The following PDE4D variants were observed in gnomAD, a reference collection of about 807,000 sequenced individuals.
PDE4D encodes 3',5'-cyclic-AMP phosphodiesterase 4D.
A neutral mutation model predicts 87.4 loss-of-function variants in PDE4D; 24 were observed. The ratio of observed to expected loss-of-function variants is 0.27; its 90% confidence interval spans 0.20 to 0.39. The LOEUF (loss-of-function observed/expected upper bound fraction) is 0.39. PDE4D is among the 10% of genes least tolerant of loss of function. The pLI, the probability that PDE4D is intolerant of heterozygous loss-of-function variation, is 1.00. For synonymous variants in PDE4D, 384 were observed against 383.2 expected, an observed-to-expected ratio of 1.00 and a Z score of -0.02; for missense variants, 714 against 1,041.0, an observed-to-expected ratio of 0.69 and a Z score of 4.32.
intron 1 of PDE4D, among the ~76,000 whole-genome samples, chr5:59,327,814 T>G (rs1775992360): frequency 6.6e-6 from 1 of 152,198 alleles, no homozygotes; most frequent in Non-Finnish European, 1.5e-5. Flanking sequence ...GTCACAGAAC[T>G]GCTACAAACT....
chr5:59,297,865 C>T (rs1239119388), intron 1 of PDE4D, among the ~76,000 whole-genome samples: 1 of 152,024 alleles, frequency 6.6e-6, no homozygotes, highest in African/African-American at 2.4e-5. Flanking sequence ...AGAAGAATGG[C>T]ATAGACACAA....
intron 1 of PDE4D, among the ~76,000 whole-genome samples, chr5:60,484,956 G>A (rs1217025189): frequency 6.6e-6 from 1 of 152,116 alleles, no homozygotes; most frequent in East Asian, 1.9e-4. Context: ...TAAAGACATA[G>A]AGACTGAGGC....
chr5:59,537,329 A>C (rs1424916613), intron 1 of PDE4D, among the ~76,000 whole-genome samples: 2 of 152,256 alleles, frequency 1.3e-5, no homozygotes, highest in African/African-American at 4.8e-5. Context: ...AAATGTTTAC[A>C]TATGGTATGT....
rs560001137 is a variant in PDE4D at position 59,448,383 on chromosome 5, G to A, written c.456-232415C>T. Among the ~76,000 whole-genome samples the A allele has an allele frequency of 7.2e-5, 11 of 152,192 alleles. 1 individual carries two copies. In the South Asian group the frequency reaches 2.3e-3, roughly 32 times the overall value. The stretch of plus-strand genomic sequence containing the variant: ...GTTCTCACACCTGTCTCTTCCCATT[G>A]TTACTCCCTTAGTAAGCAGTGCTTG... On this transcript the variant is annotated intron_variant, in intron 1 of 14. Coordinates refer to ENST00000340635, the MANE Select transcript of PDE4D (RefSeq NM_001104631.2).
chr5:59,326,279 G>GA lies in PDE4D; in HGVS notation c.456-110312dup, dbSNP rs981361188. ...ACTTAAAGTATAATAATAAAAAAAA[G>GA]AAAAAAAATGTGTTGAGTCAGTTTG... On this transcript the variant is annotated intron_variant, in intron 1 of 14. Transcript: ENST00000340635. Among the ~76,000 whole-genome samples, 15 of 151,494 alleles carry GA rather than the reference G, an allele frequency of 9.9e-5. No individual in the cohort carries two copies. The South Asian group carries it at 1.5e-3, about 15-fold the overall frequency.
chr5:60,216,311 C>T (rs1428038892), intron 1 of PDE4D, among the ~76,000 whole-genome samples: 1 of 152,104 alleles, frequency 6.6e-6, no homozygotes, highest in Non-Finnish European at 1.5e-5. Flanking sequence ...AACCAGCTCA[C>T]ATGAGTCAAG....
intron 6 of PDE4D, among the ~76,000 whole-genome samples, chr5:59,037,255 G>T (rs931200061): frequency 4.6e-5 from 7 of 152,048 alleles, no homozygotes; most frequent in African/African-American, 1.7e-4. Flanking sequence ...AACTACTGTC[G>T]AATCACCTTG....
chr5:59,769,076 C>T (rs1019849429), intron 1 of PDE4D, among the ~76,000 whole-genome samples: 4 of 149,208 alleles, frequency 2.7e-5, no homozygotes, highest in Admixed American at 2.0e-4. Flanking sequence ...TTTTTTCTCT[C>T]TTTTTTTTTT....
At position 59,053,649 on chromosome 5, in the gene PDE4D, TTTTTTG is replaced by T. The variant is rs1561396173; in HGVS notation, c.809-14684_809-14679del. The stretch of plus-strand genomic sequence containing the variant: ...AATTAAGTTGTTTTGTTTTTTGTTT[TTTTTTG>T]TTGTTGTTTTTTTTTTTTGGCCAGG... On this transcript the variant is annotated intron_variant, in intron 5 of 14. Coordinates refer to ENST00000340635, the MANE Select transcript of PDE4D (RefSeq NM_001104631.2). 1.5e-4 allele frequency among the ~76,000 whole-genome samples: 11 copies of T among 73,540 alleles called. No individual in the cohort carries two copies. In the East Asian group the frequency reaches 1.6e-3, roughly 11 times the overall value. 48.2% of individuals were successfully genotyped at this position (73,540 alleles called of 152,430 possible).
At chr5:59,996,360 A>G (rs1357666878) in intron 2 of PDE4D, among the ~76,000 whole-genome samples, 1 of 152,190 alleles carries the variant, frequency 6.6e-6, no homozygotes, top group Non-Finnish European at 1.5e-5. Flanking sequence ...GTTCTGTAAA[A>G]GTAAAGTTTC....
At chr5:59,350,072 C>T (rs529714888) in intron 1 of PDE4D, among the ~76,000 whole-genome samples, 3 of 152,102 alleles carry the variant, frequency 2.0e-5, no homozygotes, top group African/African-American at 7.2e-5. Flanking sequence ...CAAAGTGGTA[C>T]TTCCTTACAA....
chr5:59,846,322 TC>T, intron 1 of PDE4D, among the ~76,000 whole-genome samples: 1 of 152,158 alleles, frequency 6.6e-6, no homozygotes, highest in South Asian at 2.1e-4. Context: ...ACTCATCAGT[TC>T]CCTCTAATTG....
chr5:60,063,150 GAAA>G (rs1771659317), intron 2 of PDE4D, among the ~76,000 whole-genome samples: 5 of 146,284 alleles, frequency 3.4e-5, no homozygotes, highest in African/African-American at 1.0e-4. Flanking sequence ...AAGAAAGAAA[GAAA>G]GAAGGAAAGA....
chr5:60,504,388 G>C (rs1227444320), intron 1 of PDE4D, among the ~76,000 whole-genome samples: 1 of 151,754 alleles, frequency 6.6e-6, no homozygotes, highest in Non-Finnish European at 1.5e-5. Context: ...CATGTGAAAG[G>C]CAACATTTTT....
At chr5:59,531,325 C>G (rs188486707) in intron 1 of PDE4D, among the ~76,000 whole-genome samples, 1 of 152,300 alleles carries the variant, frequency 6.6e-6, no homozygotes, top group East Asian at 1.9e-4. Flanking sequence ...CTACCCTATT[C>G]AAAATTGCAT....
chr5:59,461,149 T>G (rs1800711957), intron 1 of PDE4D, among the ~76,000 whole-genome samples: 1 of 152,092 alleles, frequency 6.6e-6, no homozygotes, highest in Non-Finnish European at 1.5e-5. Flanking sequence ...TAGAGCAACA[T>G]GTACTGACAT....
chr5:59,469,334 C>A (rs7723589), intron 1 of PDE4D, among the ~76,000 whole-genome samples: 3,563 of 151,976 alleles, frequency 0.023, 150 homozygotes, highest in African/African-American at 0.081. Context: ...TCTCAAAAAA[C>A]AAACAAACAA....
At chr5:60,012,752 A>T (rs981248083) in intron 2 of PDE4D, among the ~76,000 whole-genome samples, 1 of 152,172 alleles carries the variant, frequency 6.6e-6, no homozygotes, top group African/African-American at 2.4e-5. Flanking sequence ...ATTCTCAAGA[A>T]GTTAAAGATT....
intron 1 of PDE4D, among the ~76,000 whole-genome samples, chr5:59,561,494 C>A (rs907402806): frequency 2.0e-5 from 3 of 152,068 alleles, no homozygotes; most frequent in African/African-American, 7.2e-5. Context: ...TAATTAACAG[C>A]GTTTTGCTTA....
Sources: allele counts gnomAD v4.1 joint callset (sites outside exome capture counted in the v4.1 genomes callset), GRCh38; gene constraint gnomAD v4.1.1; transcripts MANE v1.5; gene names NCBI Gene and HGNC (gene_info 2026-07-23, HGNC 2026-07-21).